The following MON2 variants were observed in gnomAD, a reference collection of about 807,000 sequenced individuals.
The protein encoded by MON2 is MON2 regulator of endosome-to-Golgi trafficking, also known as protein MON2 homolog.
Under a neutral mutation model 208.6 loss-of-function variants are expected in MON2, and 84 were observed. The ratio of observed to expected loss-of-function variants is 0.40; its 90% CI spans 0.34 to 0.48. The LOEUF is 0.48. Among genes scored for constraint, MON2 ranks in the 20% least tolerant of loss-of-function variants. The probability of loss-of-function intolerance (pLI) is 0.59; values close to 1 mark genes in which losing one functional copy is unlikely to be tolerated. For synonymous variants in MON2, 660 were observed against 694.0 expected, an observed-to-expected ratio of 0.95 and a Z score of 0.77; for missense variants, 1,611 against 2,015.4, an observed-to-expected ratio of 0.80 and a Z score of 3.84.
chr12:62,562,824 T>A (rs1312491819), intron 26 of MON2, among the ~76,000 whole-genome samples: 2 of 152,176 alleles, frequency 1.3e-5, no homozygotes, highest in African/African-American at 4.8e-5. Context: ...TCAGTGCTTT[T>A]ATATTGTTTA....
chr12:62,552,505 AAC>A (rs1334902238), intron 23 of MON2, among the ~76,000 whole-genome samples: 6 of 152,280 alleles, frequency 3.9e-5, no homozygotes, highest in Admixed American at 3.3e-4. Flanking sequence ...AGGAATTGTT[AAC>A]ATTGTTAGGG....
chr12:62,515,471 G>A (rs1223315605), intron 8 of MON2, among the ~76,000 whole-genome samples: 1 of 152,104 alleles, frequency 6.6e-6, no homozygotes, highest in Non-Finnish European at 1.5e-5. Context: ...GAGGACAAAG[G>A]GATAAGGAGT....
Position 62,520,285 on chromosome 12 carries a change from A to G in MON2, c.985-4230A>G, listed in dbSNP as rs61116922. 7.6e-3 allele frequency among the ~76,000 whole-genome samples: 1,158 copies of G among 152,272 alleles called. 17 individuals carry two copies. The highest frequency in any genetic ancestry group is 0.027 in the African/African-American group (1,101 of 41,540). On this transcript the variant is annotated intron_variant, in intron 8 of 34. Transcript: ENST00000393630. The stretch of plus-strand genomic sequence containing the variant: ...TGTTATCACTTCCTGCAAATATTAC[A>G]TTTGTTAATATCACCACCATATATC...
rs1238914211 is a variant in MON2, at chr12:62,600,060, G to A, written c.*7311G>A. Reference sequence around the variant, plus strand: ...CTTCTTAGATGCAAATCCCAACTCTGTTATTTTACTAAATGTGTGACCTTG... The same window carrying A: ...CTTCTTAGATGCAAATCCCAACTCTATTATTTTACTAAATGTGTGACCTTG... On this transcript the variant is annotated 3_prime_UTR_variant, in exon 35 of 35. Transcript: ENST00000393630. 2.0e-5 allele frequency: 3 copies of A among 152,218 alleles called. No homozygotes were observed. The highest frequency in any genetic ancestry group is 2.9e-5 in the Non-Finnish European group (2 of 68,032). The allele number at this position is 152,218 out of a possible 1,614,324, so 9.4% of individuals were successfully genotyped here.
At chr12:62,572,278 A>G (rs1470591204) in intron 30 of MON2, among the ~76,000 whole-genome samples, 3 of 152,232 alleles carry the variant, frequency 2.0e-5, no homozygotes, top group Non-Finnish European at 2.9e-5. Context: ...AGCAGCTGCC[A>G]CACTGGGTAG....
chr12:62,517,671 C>T (rs1046677051), intron 8 of MON2, among the ~76,000 whole-genome samples: 3 of 152,134 alleles, frequency 2.0e-5, no homozygotes, highest in Admixed American at 6.5e-5. Context: ...TCAGCAGAAC[C>T]TGAACACGCT....
At chr12:62,517,317 A>C (rs1482280248) in intron 8 of MON2, among the ~76,000 whole-genome samples, 1 of 152,244 alleles carries the variant, frequency 6.6e-6, no homozygotes, top group Non-Finnish European at 1.5e-5. Flanking sequence ...ACATCTTCAT[A>C]GTAACAAATG....
At chr12:62,574,595 G>C (rs2074711524) in intron 30 of MON2, among the ~76,000 whole-genome samples, 1 of 151,944 alleles carries the variant, frequency 6.6e-6, no homozygotes, top group Non-Finnish European at 1.5e-5. Flanking sequence ...CCCAGGCTTG[G>C]AGTTATTTTT....
chr12:62,507,057 G>A (rs2071138627), intron 7 of MON2, among the ~76,000 whole-genome samples: 1 of 152,164 alleles, frequency 6.6e-6, no homozygotes, highest in African/African-American at 2.4e-5. Flanking sequence ...TCCCTGACTT[G>A]TAAAATAATT....
At chr12:62,546,090 G>GT (rs2073470643) in intron 21 of MON2, among the ~76,000 whole-genome samples, 1 of 151,926 alleles carries the variant, frequency 6.6e-6, no homozygotes, top group Non-Finnish European at 1.5e-5. Flanking sequence ...AAATTTCGTG[G>GT]TTTTATGTCA....
At chr12:62,531,398 A>G (rs1592316556) in intron 11 of MON2, among the ~76,000 whole-genome samples, 1 of 152,312 alleles carries the variant, frequency 6.6e-6, no homozygotes, top group Non-Finnish European at 1.5e-5. Flanking sequence ...AATTTTGCAT[A>G]TGGTGTGAGA....
intron 22 of MON2, among the ~76,000 whole-genome samples, chr12:62,548,496 G>A (rs2073597773): frequency 6.6e-6 from 1 of 152,140 alleles, no homozygotes; most frequent in Non-Finnish European, 1.5e-5. Context: ...TCACACTTTT[G>A]TTTTGATGAC....
At chr12:62,488,128 C>T (rs1394672758) in intron 2 of MON2, among the ~76,000 whole-genome samples, 2 of 152,098 alleles carry the variant, frequency 1.3e-5, no homozygotes, top group Admixed American at 6.6e-5. Flanking sequence ...TTTAATTTTA[C>T]GTGATTTGAG....
Position 62,525,236 on chromosome 12 carries a change from T to C in MON2, c.1246+16T>C, listed in dbSNP as rs772667538. Reference sequence around the variant, plus strand: ...AACCAAGCTGGTAAAAACATATTCATAATTTTGTTTCTTATATTCTGCCGT... The same window carrying C: ...AACCAAGCTGGTAAAAACATATTCACAATTTTGTTTCTTATATTCTGCCGT... On this transcript the variant is annotated intron_variant, in intron 10 of 34. Coordinates refer to ENST00000393630, the MANE Select transcript of MON2 (RefSeq NM_015026.3). The C allele has an allele frequency of 6.2e-7, 1 of 1,611,882 alleles. No homozygotes were observed. Among genetic ancestry groups the C allele is most frequent in the Non-Finnish European group, 8.5e-7 (1 of 1,178,314 alleles).
chr12:62,559,626 T>G (rs2074121212), intron 25 of MON2, among the ~76,000 whole-genome samples: 1 of 151,792 alleles, frequency 6.6e-6, no homozygotes, highest in Non-Finnish European at 1.5e-5. Context: ...AAAAATAATT[T>G]AAAAATAAAT....
intron 25 of MON2, 22 bp downstream of exon 25, chr12:62,556,214 A>C: frequency 2.5e-6 from 4 of 1,603,996 alleles, no homozygotes; most frequent in Non-Finnish European, 3.4e-6. Flanking sequence ...TTTTTTTCTG[A>C]TTATACAAGT....
intron 30 of MON2, among the ~76,000 whole-genome samples, chr12:62,576,611 TC>T (rs1225423796): frequency 4.6e-5 from 7 of 152,052 alleles, no homozygotes; most frequent in Non-Finnish European, 1.0e-4. Flanking sequence ...ACTGTAGTTT[TC>T]AAATTTAAGG....
chr12:62,536,404 G>A (rs780725365), intron 14 of MON2, among the ~76,000 whole-genome samples: 7 of 151,990 alleles, frequency 4.6e-5, no homozygotes, highest in Non-Finnish European at 8.8e-5. Context: ...ACAGGATCTC[G>A]CTATATTGCC....
chr12:62,505,097 C>T (rs1475960309), intron 7 of MON2, among the ~76,000 whole-genome samples: 1 of 152,122 alleles, frequency 6.6e-6, no homozygotes, highest in African/African-American at 2.4e-5. Flanking sequence ...TGCCTTTTGC[C>T]TCAATGAAGT....
Sources: allele counts gnomAD v4.1 joint callset (sites outside exome capture counted in the v4.1 genomes callset), GRCh38; gene constraint gnomAD v4.1.1; transcripts MANE v1.5; gene names NCBI Gene and HGNC (gene_info 2026-07-23, HGNC 2026-07-21).